DNAH14: variants seen among roughly 807,000 people sequenced by gnomAD.
The protein encoded by DNAH14 is dynein axonemal heavy chain 14, also known as axonemal beta dynein heavy chain 14.
In DNAH14, 478 loss-of-function variants were observed where a neutral mutation model predicts 520.9. The ratio of observed to expected loss-of-function variants is 0.92; its 90% confidence interval spans 0.85 to 0.99. The LOEUF (loss-of-function observed/expected upper bound fraction) is 0.99, where lower values mean the gene tolerates loss of function less well. Ranked by LOEUF, DNAH14 falls within the 50% of genes least tolerant of loss-of-function variation. The pLI, the probability that DNAH14 is intolerant of heterozygous loss-of-function variation, is 0.00. For synonymous variants in DNAH14, 1,581 were observed against 1,757.2 expected (o/e 0.90, Z 2.51); for missense variants, 4,831 against 5,234.5 (o/e 0.92, Z 2.38).
At chr1:225,290,417 T>G (rs1320961406) in intron 55 of DNAH14, among the ~76,000 whole-genome samples, 1 of 151,736 alleles carries the variant, frequency 6.6e-6, no homozygotes, top group Non-Finnish European at 1.5e-5. Flanking sequence ...CTTTATAATC[T>G]GTATTTTAAA....
At chr1:225,371,367 G>T (rs2095616747) in intron 77 of DNAH14, among the ~76,000 whole-genome samples, 1 of 152,050 alleles carries the variant, frequency 6.6e-6, no homozygotes, top group African/African-American at 2.4e-5. Flanking sequence ...AGAGGCATTT[G>T]TTATGAATTT....
intron 72 of DNAH14, among the ~76,000 whole-genome samples, chr1:225,352,219 C>A (rs1272096004): frequency 6.6e-6 from 1 of 152,096 alleles, no homozygotes; most frequent in Non-Finnish European, 1.5e-5. Context: ...TTTAAAATTA[C>A]ATGGGAAAGG....
chr1:224,940,418 C>G (rs2059335908), intron 1 of DNAH14, among the ~76,000 whole-genome samples: 1 of 152,060 alleles, frequency 6.6e-6, no homozygotes, highest in African/African-American at 2.4e-5. Flanking sequence ...TGGTGGTTAT[C>G]TTTGGATACT....
At chr1:224,974,649 T>C (rs2061695329) in intron 8 of DNAH14, among the ~76,000 whole-genome samples, 1 of 152,180 alleles carries the variant, frequency 6.6e-6, no homozygotes. Flanking sequence ...GACAATGATA[T>C]ATAATCAAGA....
chr1:224,970,611 A>G (rs1364568382), intron 7 of DNAH14, among the ~76,000 whole-genome samples: 44 of 152,158 alleles, frequency 2.9e-4, no homozygotes, highest in Non-Finnish European at 2.9e-5. Flanking sequence ...TCTCTTTTGT[A>G]TGCTGTCCCT....
In DNAH14 at chr1:225,307,465, C is replaced by A. The variant is rs770222940; in HGVS notation, c.9010C>A (p.Arg3004Ser). 2 of 1,531,114 alleles carry A rather than the reference C, an allele frequency of 1.3e-6. No individual in the cohort carries two copies. The highest frequency in any genetic ancestry group is 2.5e-5 in the East Asian group (1 of 40,418). 94.8% of individuals were successfully genotyped at this position (1,531,114 alleles called of 1,614,324 possible). A position where few individuals can be genotyped will look rare whatever the true frequency, so the allele number is the denominator to read the frequency against. ...REEEMQTKRDRFHMGLSTILE... is the reference protein window; with the variant it reads ...REEEMQTKRDSFHMGLSTILE... ...TAATACTTTTTCTTCCTTCAGGGAT[C>A]GCTTCCATATGGGTCTATCCACAAT... Residue 3004 changes from arginine (R) to serine (S), a missense_variant, in exon 59 of 86, where the codon CGC becomes AGC. Arg to Ser is a moderately radical substitution (Grantham distance 110). Coordinates refer to ENST00000682510, the MANE Select transcript of DNAH14 (RefSeq NM_001367479.1).
intron 55 of DNAH14, among the ~76,000 whole-genome samples, chr1:225,290,325 T>C (rs2093839015): frequency 6.6e-6 from 1 of 152,006 alleles, no homozygotes; most frequent in Non-Finnish European, 1.5e-5. Flanking sequence ...ATTTTCTATG[T>C]CATTATCTTG....
At chr1:225,011,893 A>G (rs1313940837) in intron 10 of DNAH14, among the ~76,000 whole-genome samples, 2 of 147,120 alleles carry the variant, frequency 1.4e-5, no homozygotes, top group Non-Finnish European at 3.0e-5. Flanking sequence ...ATGGATCTTG[A>G]CTCTTTATCT....
At chr1:225,356,790 A>C (rs1235443658) in intron 73 of DNAH14, among the ~76,000 whole-genome samples, 1 of 152,156 alleles carries the variant, frequency 6.6e-6, no homozygotes, top group Non-Finnish European at 1.5e-5. Context: ...CTTGAATTTT[A>C]TGTAGCAAGG....
At position 224,953,067 on chromosome 1, in the gene DNAH14, G is replaced by A. The variant is rs1333215159; in HGVS notation, c.77+288G>A. The A allele has an allele frequency of 2.3e-5, 5 of 220,898 alleles. No homozygotes were observed. In the East Asian group the frequency reaches 5.6e-4, roughly 25 times the overall value. The allele number at this position is 220,898 out of a possible 1,614,324, so 13.7% of individuals were successfully genotyped here. A position where few individuals can be genotyped will look rare whatever the true frequency, so the allele number is the denominator to read the frequency against. ...TTAACCAACAACTGAGAAATCCTAG[G>A]AAAGCAAAAGGTATCATTTGTAACA... On this transcript the variant is annotated intron_variant, in intron 2 of 85. Coordinates refer to ENST00000682510, the MANE Select transcript of DNAH14 (RefSeq NM_001367479.1).
In DNAH14 at chr1:225,168,043, G is replaced by T; in HGVS notation, c.5535+15G>T. The T allele has an allele frequency of 7.3e-7, 1 of 1,368,080 alleles. No individual in the cohort carries two copies. The highest frequency in any genetic ancestry group is 1.0e-6 in the Non-Finnish European group (1 of 994,700). The allele number at this position is 1,368,080 out of a possible 1,614,324, so 84.7% of individuals were successfully genotyped here. ...ATCAACTTCAGGTAAGTATAAAATG[G>T]CATGTTAGCAATCCTTTGCCTGTAT... On this transcript the variant is annotated intron_variant, in intron 36 of 85. Transcript: ENST00000682510.
intron 10 of DNAH14, among the ~76,000 whole-genome samples, chr1:225,009,141 T>C (rs562599534): frequency 6.6e-6 from 1 of 152,338 alleles, no homozygotes; most frequent in South Asian, 2.1e-4. Flanking sequence ...TTTTGGCTTT[T>C]GTTGCCATTG....
chr1:225,128,661 G>A (rs975406302), intron 27 of DNAH14, among the ~76,000 whole-genome samples: 41 of 151,642 alleles, frequency 2.7e-4, no homozygotes, highest in African/African-American at 6.6e-4. Context: ...TTGATGGGAC[G>A]TATCTCAAAA....
chr1:225,294,046 C>G (rs778479816), intron 55 of DNAH14, among the ~76,000 whole-genome samples: 2 of 152,014 alleles, frequency 1.3e-5, no homozygotes, highest in Non-Finnish European at 1.5e-5. Context: ...TTGAGCTTTT[C>G]CCTATTCAGT....
chr1:225,003,655 T>C (rs913551325), intron 9 of DNAH14, among the ~76,000 whole-genome samples: 1 of 152,078 alleles, frequency 6.6e-6, no homozygotes, highest in Non-Finnish European at 1.5e-5. Flanking sequence ...TGCTCACCAA[T>C]AGTCTTTGAG....
intron 66 of DNAH14, among the ~76,000 whole-genome samples, chr1:225,335,172 TACATGTGC>T (rs745762507): frequency 0.037 from 5,450 of 147,744 alleles, 173 homozygotes; most frequent in Middle Eastern, 0.074. Context: ...TGTGCATGTG[TACATGTGC>T]GCATGTGTGT....
chr1:225,103,218 C>T (rs2075681801), intron 23 of DNAH14, among the ~76,000 whole-genome samples: 1 of 152,268 alleles, frequency 6.6e-6, no homozygotes, highest in South Asian at 2.1e-4. Flanking sequence ...GACATTATTT[C>T]TGAGGGCTCT....
chr1:225,101,676 CA>C (rs1203922741), intron 23 of DNAH14, among the ~76,000 whole-genome samples: 1 of 152,106 alleles, frequency 6.6e-6, no homozygotes, highest in Admixed American at 6.6e-5. Flanking sequence ...CATGTTCTTG[CA>C]GATGACAAGA....
chr1:225,182,305 A>G (rs1390827418), intron 36 of DNAH14, among the ~76,000 whole-genome samples: 1 of 152,208 alleles, frequency 6.6e-6, no homozygotes, highest in Non-Finnish European at 1.5e-5. Context: ...TGGAAAAATG[A>G]TTATTCACAT....
Sources: allele counts gnomAD v4.1 joint callset (sites outside exome capture counted in the v4.1 genomes callset), GRCh38; gene constraint gnomAD v4.1.1; transcripts MANE v1.5; gene names NCBI Gene and HGNC (gene_info 2026-07-23, HGNC 2026-07-21).